Variants in RNF11 observed in about 807,000 individuals in gnomAD.
RNF11 encodes the protein ring finger protein 11.
RNF11 carries 4 observed loss-of-function variants against 15.8 expected under a neutral mutation model. The observed-to-expected ratio is 0.25, with a 90% confidence interval of 0.12 to 0.58. The LOEUF is 0.58. Ranked by LOEUF, RNF11 falls within the 20% of genes least tolerant of loss-of-function variation. RNF11 has a pLI of 0.91. For missense variants in RNF11, 139 were observed against 194.4 expected (o/e 0.71, Z 1.70); for synonymous variants, 68 against 72.3 (o/e 0.94, Z 0.30).
chr1:51,260,131 G>A (rs952440601), intron 1 of RNF11, among the ~76,000 whole-genome samples: 3 of 152,076 alleles, frequency 2.0e-5, no homozygotes, highest in Non-Finnish European at 4.4e-5. Flanking sequence ...TTTAACATAC[G>A]GATCCTGCAC....
chr1:51,249,604 C>A (rs1242896230), intron 1 of RNF11, among the ~76,000 whole-genome samples: 2 of 152,000 alleles, frequency 1.3e-5, no homozygotes. Flanking sequence ...TTCTAGCATT[C>A]TTTGTGAAAT....
chr1:51,248,223 T>G (rs1646861615), intron 1 of RNF11, among the ~76,000 whole-genome samples: 1 of 148,432 alleles, frequency 6.7e-6, no homozygotes, highest in Non-Finnish European at 1.5e-5. Flanking sequence ...TTTTTTTGGC[T>G]TTGAGATGGA....
rs1205908956 is a variant in RNF11, at chr1:51,237,418, GTGTGTGTATATATATATATA to G, written c.123+545_123+564del. ...CCTAGCGACATCGAGTTACTTGTGT[GTGTGTGTATATATATATATA>G]TGTGTATATATATATATATATATAT... On this transcript the variant is annotated intron_variant, in intron 1 of 2. Transcript: ENST00000242719. Among the ~76,000 whole-genome samples, 7 of 140,370 alleles carry G rather than the reference GTGTGTGTATATATATATATA, an allele frequency of 5.0e-5. No homozygotes were observed. In the South Asian group the frequency reaches 6.6e-4, roughly 13 times the overall value. The allele number at this position is 140,370 out of a possible 152,430, so 92.1% of individuals were successfully genotyped here.
intron 1 of RNF11, among the ~76,000 whole-genome samples, chr1:51,251,903 A>G (rs970997475): frequency 6.6e-6 from 1 of 152,004 alleles, no homozygotes; most frequent in African/African-American, 2.4e-5. Flanking sequence ...ACATGGTGAA[A>G]CCCTGTTTCT....
At chr1:51,249,594 T>C (rs868017840) in intron 1 of RNF11, among the ~76,000 whole-genome samples, 2 of 152,150 alleles carry the variant, frequency 1.3e-5, no homozygotes, top group African/African-American at 4.8e-5. Context: ...CTGAATAACA[T>C]TCTAGCATTC....
chr1:51,258,842 C>G (rs1016179023), intron 1 of RNF11, among the ~76,000 whole-genome samples: 1 of 152,148 alleles, frequency 6.6e-6, no homozygotes, highest in Non-Finnish European at 1.5e-5. Context: ...ACTAAGGCAC[C>G]AATTCCTATC....
intron 1 of RNF11, among the ~76,000 whole-genome samples, chr1:51,255,023 A>G (rs941715201): frequency 6.6e-6 from 1 of 152,336 alleles, no homozygotes; most frequent in Middle Eastern, 3.4e-3. Context: ...TAGCTTATAC[A>G]TTGGTGAGGG....
At chr1:51,240,498 C>T (rs1456464549) in intron 1 of RNF11, among the ~76,000 whole-genome samples, 3 of 152,034 alleles carry the variant, frequency 2.0e-5, no homozygotes. Flanking sequence ...TAGAAAGTTG[C>T]GTTGTCTATT....
chr1:51,244,577 G>A (rs1181175213), intron 1 of RNF11, among the ~76,000 whole-genome samples: 1 of 151,972 alleles, frequency 6.6e-6, no homozygotes. Flanking sequence ...TAGTAGGGAC[G>A]GGGTTTCACC....
At chr1:51,242,319 A>G (rs1264684951) in intron 1 of RNF11, among the ~76,000 whole-genome samples, 1 of 150,414 alleles carries the variant, frequency 6.6e-6, no homozygotes, top group Admixed American at 6.6e-5. Context: ...GCTTTCTTCA[A>G]GATACCTTTT....
chr1:51,270,671 T>C (rs1302260265), intron 2 of RNF11, among the ~76,000 whole-genome samples: 1 of 152,226 alleles, frequency 6.6e-6, no homozygotes, highest in African/African-American at 2.4e-5. Flanking sequence ...GAAAATTATC[T>C]TACTCTAGGA....
At chr1:51,263,581 ACT>A (rs1646940428) in intron 1 of RNF11, among the ~76,000 whole-genome samples, 1 of 151,906 alleles carries the variant, frequency 6.6e-6, no homozygotes, top group Admixed American at 6.6e-5. Flanking sequence ...GTGCTTTCAG[ACT>A]CTTTCATTAT....
intron 1 of RNF11, among the ~76,000 whole-genome samples, chr1:51,245,921 T>A (rs903810351): frequency 1.3e-5 from 2 of 152,196 alleles, no homozygotes; most frequent in Admixed American, 6.5e-5. Flanking sequence ...CAACCTCTTA[T>A]CACTTCCCTC....
chr1:51,240,727 A>G (rs1646825568), intron 1 of RNF11, among the ~76,000 whole-genome samples: 3 of 151,982 alleles, frequency 2.0e-5, no homozygotes, highest in Non-Finnish European at 4.4e-5. Context: ...TTTTGCTTCT[A>G]TATTGTAGAT....
At chr1:51,268,268 A>G (rs1646963760) in intron 1 of RNF11, among the ~76,000 whole-genome samples, 1 of 152,200 alleles carries the variant, frequency 6.6e-6, no homozygotes. Context: ...CATCTTTAAA[A>G]TATCAGGAGG....
chr1:51,250,282 T>C (rs1265268145), intron 1 of RNF11, among the ~76,000 whole-genome samples: 1 of 152,334 alleles, frequency 6.6e-6, no homozygotes, highest in East Asian at 1.9e-4. Context: ...CTCACAGTTA[T>C]GATTTGCTAT....
Position 51,272,057 on chromosome 1 carries a change from A to G in RNF11, c.*735A>G, listed in dbSNP as rs1267873045. 18 of 152,560 alleles carry G rather than the reference A, an allele frequency of 1.2e-4. No individual in the cohort carries two copies. Among genetic ancestry groups the G allele is most frequent in the South Asian group, 2.1e-4 (1 of 4,832 alleles). 9.5% of individuals were successfully genotyped at this position (152,560 alleles called of 1,614,324 possible). A position where few individuals can be genotyped will look rare whatever the true frequency, so the allele number is the denominator to read the frequency against. ...GTTAATGTGTCAAGAAACCAACTCT[A>G]TTAAGGTGGGGTTTAATATTACCCT... On this transcript the variant is annotated 3_prime_UTR_variant, in exon 3 of 3. Transcript: ENST00000242719.
intron 1 of RNF11, among the ~76,000 whole-genome samples, chr1:51,248,759 C>T (rs1646864073): frequency 6.6e-6 from 1 of 152,088 alleles, no homozygotes; most frequent in Non-Finnish European, 1.5e-5. Flanking sequence ...TTACTTGGAA[C>T]TTGAGTATAA....
At chr1:51,270,163 T>C (rs1646971791) in intron 2 of RNF11, 38 bp downstream of exon 2, 1 of 1,532,950 alleles carries the variant, frequency 6.5e-7, no homozygotes, top group Admixed American at 2.2e-5. Context: ...AAAGTTTTAT[T>C]TTCAGATTGC....
Sources: allele counts gnomAD v4.1 joint callset (sites outside exome capture counted in the v4.1 genomes callset), GRCh38; gene constraint gnomAD v4.1.1; transcripts MANE v1.5; gene names NCBI Gene and HGNC (gene_info 2026-07-23, HGNC 2026-07-21).